Variants in HOXC5 observed in about 807,000 individuals in gnomAD.
HOXC5 encodes homeobox protein Hox-C5.
A neutral mutation model predicts 20.1 loss-of-function variants in HOXC5; 19 were observed. The observed-to-expected ratio is 0.94, with a 90% CI of 0.66 to 1.38. The LOEUF (loss-of-function observed/expected upper bound fraction) is 1.38, where lower values mean the gene tolerates loss of function less well. Among genes scored for constraint, HOXC5 ranks in the 40% most tolerant of loss-of-function variants. The pLI is 0.00. For synonymous variants in HOXC5, 124 were observed against 117.0 expected, an observed-to-expected ratio of 1.06 and a Z score of -0.39; for missense variants, 330 against 300.1, an observed-to-expected ratio of 1.10 and a Z score of -0.74.
the HOXC5 span, chr12:54,021,732 A>C: frequency 6.6e-6 from 1 of 152,320 alleles, no homozygotes; most frequent in African/African-American, 2.4e-5. Context: ...ACATTACTCC[A>C]GGATTGTGCC....
In HOXC5 at chr12:54,034,419, T is replaced by C; in HGVS notation, c.596T>C (p.Ile199Thr). Residue 199 changes from isoleucine to threonine, a missense_variant, in exon 2 of 2, where the codon ATC becomes ACC. Transcript: ENST00000312492. The part of the protein sequence containing the change: ...ANNLCLNERQ[I>T]KIWFQNRRMK... ...AACTTGTGTCTCAATGAGAGACAGA[T>C]CAAGATCTGGTTCCAGAACCGCAGG... 6.2e-7 allele frequency: 1 copy of C among 1,614,210 alleles called. No homozygotes were observed.
At chr12:54,026,903 C>T in the HOXC5 span, among the ~76,000 whole-genome samples, 2 of 151,950 alleles carry the variant, frequency 1.3e-5, no homozygotes, top group African/African-American at 2.4e-5. Flanking sequence ...TCATAAAATC[C>T]GGCGACATCC....
the HOXC5 span, among the ~76,000 whole-genome samples, chr12:54,026,275 GC>G: frequency 6.6e-6 from 1 of 152,098 alleles, no homozygotes; most frequent in Non-Finnish European, 1.5e-5. Flanking sequence ...GAGTACTCCT[GC>G]CTTGTTGTCT....
Position 54,033,169 on chromosome 12 carries a change from T to A in HOXC5, c.47T>A (p.Ile16Asn). 1 of 1,614,116 alleles carries A rather than the reference T, an allele frequency of 6.2e-7. No individual in the cohort carries two copies. The highest frequency in any genetic ancestry group is 1.3e-5 in the African/African-American group (1 of 75,028). ...TCATTCTATAAGCAGAGCCCCAATATCCCTGCCTATAACATGCAAACTTGT... is the reference window on the plus strand; with the variant it reads ...TCATTCTATAAGCAGAGCCCCAATAACCCTGCCTATAACATGCAAACTTGT... Reference protein sequence around the residue: ...ANSFYKQSPNIPAYNMQTCGN... With the variant: ...ANSFYKQSPNNPAYNMQTCGN... Residue 16 changes from isoleucine to asparagine, a missense_variant, in exon 1 of 2, where the codon ATC (isoleucine) becomes AAC (asparagine). Transcript: ENST00000312492.
At chr12:54,025,205 C>A in the HOXC5 span, among the ~76,000 whole-genome samples, 1 of 152,192 alleles carries the variant, frequency 6.6e-6, no homozygotes, top group African/African-American at 2.4e-5. Flanking sequence ...CAGAGCACAA[C>A]TGCAGTTTTA....
upstream of HOXC5, chr12:54,032,966 A>G: frequency 3.1e-6 from 2 of 647,386 alleles, no homozygotes; most frequent in Non-Finnish European, 5.2e-6. Context: ...ACTCTATTTA[A>G]GGCTCCCTTA....
chr12:54,034,351 T>C lies in HOXC5; in HGVS notation c.528T>C (p.Phe176=). 6.2e-7 allele frequency: 1 copy of C among 1,614,232 alleles called. No individual in the cohort carries two copies. Among genetic ancestry groups the C allele is most frequent in the Non-Finnish European group, 8.5e-7 (1 of 1,180,036 alleles). The stretch of plus-strand genomic sequence containing the variant: ...TGGAACTCGAGAAAGAATTCCACTT[T>C]AACCGCTACCTCACTCGCCGCAGGC... ...QTLELEKEFH[F]NRYLTRRRRI... is the part of the protein sequence containing the mutation. The change falls in exon 2 of 2, where the codon TTT becomes TTC. Residue 176 remains phenylalanine (F), a synonymous_variant. Coordinates refer to ENST00000312492, the MANE Select transcript of HOXC5 (RefSeq NM_018953.4).
the HOXC5 span, chr12:54,017,254 G>C: frequency 3.3e-5 from 5 of 152,102 alleles, no homozygotes; most frequent in Admixed American, 6.6e-5. Flanking sequence ...TTGGCTTTTG[G>C]ATGATTATAA....
At chr12:54,030,764 T>C (rs552604552), upstream of HOXC5, 1 of 152,714 alleles carries the variant, frequency 6.5e-6, no homozygotes, top group East Asian at 1.9e-4. Context: ...CCTGTATAAA[T>C]CCAACCTCTG....
chr12:54,033,412 G>C lies in HOXC5; in HGVS notation c.290G>C (p.Gly97Ala), dbSNP rs748901748. Residue 97 changes from glycine to alanine, a missense_variant, in exon 1 of 2, where the codon GGG becomes GCG. Physicochemically the swap from Gly to Ala is moderately conservative, Grantham distance 60. Transcript: ENST00000312492. ...GRDEAAPLNP[G>A]MYSQKAARPA... The stretch of plus-strand genomic sequence containing the variant: ...GACGAAGCGGCTCCTCTGAACCCCG[G>C]GATGTACAGTCAGAAGGCGGCTCGC... 2.7e-5 allele frequency: 44 copies of C among 1,610,304 alleles called. No individual in the cohort carries two copies. The East Asian group carries it at 9.8e-4, about 36-fold the overall frequency.
chr12:54,033,971 G>T (rs1767943898), intron 1 of HOXC5: 5 of 554,148 alleles, frequency 9.0e-6, no homozygotes, highest in South Asian at 7.3e-5. Flanking sequence ...CGGGAGGGGG[G>T]TCCCCGGTGC....
chr12:54,032,960 T>G (rs1438550811), upstream of HOXC5: 4 of 622,032 alleles, frequency 6.4e-6, no homozygotes, highest in African/African-American at 7.4e-5. Context: ...CACGTGACTC[T>G]ATTTAAGGCT....
At chr12:54,029,511 C>A, upstream of HOXC5, 1 of 577,010 alleles carries the variant, frequency 1.7e-6, no homozygotes, top group Non-Finnish European at 2.6e-6. Context: ...GGGGGTGGGG[C>A]AAGGCAAAAG....
the HOXC5 span, chr12:54,022,639 A>G: frequency 6.6e-6 from 1 of 152,212 alleles, no homozygotes; most frequent in South Asian, 2.1e-4. Context: ...TCCAGAACAT[A>G]ACAACATTTT....
At chr12:54,017,799 A>C in the HOXC5 span, among the ~76,000 whole-genome samples, 1 of 152,222 alleles carries the variant, frequency 6.6e-6, no homozygotes, top group Non-Finnish European at 1.5e-5. Flanking sequence ...TGGAAGCTCA[A>C]GCTCCAGGCA....
chr12:54,028,812 G>A, upstream of HOXC5: 1 of 1,614,136 alleles, frequency 6.2e-7, no homozygotes, highest in Non-Finnish European at 8.5e-7. Context: ...ATAACACACA[G>A]ACCTCAATCG....
rs985067772 is a variant in HOXC5, at chr12:54,034,831, G to C, written c.*339G>C. Reference sequence around the variant, plus strand: ...GCCGTATCTCCGGCTCCCAGCCTCAGCGCGGCCCTCCCGAGTTAAGGTGGG... The same window carrying C: ...GCCGTATCTCCGGCTCCCAGCCTCACCGCGGCCCTCCCGAGTTAAGGTGGG... On this transcript the variant is annotated 3_prime_UTR_variant, in exon 2 of 2. Coordinates refer to ENST00000312492, the MANE Select transcript of HOXC5 (RefSeq NM_018953.4). 1.1e-4 allele frequency: 34 copies of C among 313,216 alleles called. No individual in the cohort carries two copies. The South Asian group carries it at 1.2e-3, about 11-fold the overall frequency. The allele number at this position is 313,216 out of a possible 1,614,324, so 19.4% of individuals were successfully genotyped here.
chr12:54,033,952 C>G (rs1457071847), intron 1 of HOXC5: 2 of 397,958 alleles, frequency 5.0e-6, no homozygotes, highest in African/African-American at 2.2e-5. Context: ...TCCAGCGACT[C>G]GGGAGGGGCG....
Position 54,034,315 on chromosome 12 carries a change from C to CTA in HOXC5, c.493_494dup (p.Gln166ThrfsTer22). ...AGCGGTCCCGAACCAGTTACACGCG[C>CTA]TACCAGACTCTGGAACTCGAGAAAG... On this transcript the variant is annotated frameshift_variant, in exon 2 of 2. Transcript: ENST00000312492. LOFTEE classifies it high-confidence loss of function. 6.2e-7 allele frequency: 1 copy of CTA among 1,614,162 alleles called. No homozygotes were observed. The highest frequency in any genetic ancestry group is 1.1e-5 in the South Asian group (1 of 91,090).
Sources: gnomAD v4.1 joint callset for allele counts (sites outside exome capture counted in the v4.1 genomes callset) on GRCh38, gnomAD v4.1.1 for gene constraint, MANE v1.5 for transcripts, NCBI Gene and HGNC (gene_info 2026-07-23, HGNC 2026-07-21) for gene names.